LRRC8A: variants seen among roughly 807,000 people sequenced by gnomAD.
The protein encoded by LRRC8A is leucine rich repeat containing 8 VRAC subunit A.
A neutral mutation model predicts 52.5 loss-of-function variants in LRRC8A; 24 were observed. That is an observed-to-expected ratio of 0.46 (90% CI 0.33 to 0.64). The LOEUF (loss-of-function observed/expected upper bound fraction) is 0.64, where lower values mean the gene tolerates loss of function less well. LRRC8A is among the 30% of genes least tolerant of loss of function. The pLI is 0.02. For synonymous variants in LRRC8A, 492 were observed against 494.2 expected (o/e 1.00, Z 0.06); for missense variants, 677 against 1,094.7 (o/e 0.62, Z 5.38).
At chr9:128,894,336 T>G (rs1839739432) in intron 2 of LRRC8A, among the ~76,000 whole-genome samples, 1 of 151,870 alleles carries the variant, frequency 6.6e-6, no homozygotes, top group East Asian at 2.0e-4. Context: ...ACAAAAAAAT[T>G]TGCCGGGCAT....
chr9:128,898,313 T>G (rs1839902171), intron 2 of LRRC8A, among the ~76,000 whole-genome samples: 2 of 152,128 alleles, frequency 1.3e-5, no homozygotes. Flanking sequence ...CTCCACCACC[T>G]GGGTTCAAGC....
Position 128,916,427 on chromosome 9 carries a change from G to A in LRRC8A, c.*56G>A. 1 of 1,550,456 alleles carries A rather than the reference G, an allele frequency of 6.4e-7. No homozygotes were observed. The highest frequency in any genetic ancestry group is 8.7e-7 in the Non-Finnish European group (1 of 1,147,568). ...GACCGCTGCCCAGTCCTCAGGCCCG[G>A]AGGGGCAGGCCTAGCTTCTCCCAGA... On this transcript the variant is annotated 3_prime_UTR_variant, in exon 4 of 4. Coordinates refer to ENST00000372600, the MANE Select transcript of LRRC8A (RefSeq NM_019594.4). The surrounding 1 kb of genome is among the most constrained non-coding windows in gnomAD (Gnocchi z 6.1).
At position 128,892,550 on chromosome 9, in the gene LRRC8A, G is replaced by A. The variant is rs1248100638; in HGVS notation, c.-9+6429G>A. 1.3e-5 allele frequency among the ~76,000 whole-genome samples: 2 copies of A among 152,062 alleles called. No individual in the cohort carries two copies. The highest frequency in any genetic ancestry group is 2.9e-5 in the Non-Finnish European group (2 of 67,996). ...GAGGGTGTACCCTTCTACACAGGGC[G>A]AGTCCCAAGCCAGGCAACACCCCCA... On this transcript the variant is annotated intron_variant, in intron 2 of 3. Coordinates refer to ENST00000372600, the MANE Select transcript of LRRC8A (RefSeq NM_019594.4). This position sits in a 1 kb window ranked among gnomAD's most constrained non-coding sequence, Gnocchi z 5.2.
At chr9:128,883,797 A>G (rs1342327002) in intron 1 of LRRC8A, among the ~76,000 whole-genome samples, 1 of 152,214 alleles carries the variant, frequency 6.6e-6, no homozygotes, top group East Asian at 1.9e-4. Flanking sequence ...ACATAGTGAA[A>G]CCTTGTCTCT....
intron 2 of LRRC8A, among the ~76,000 whole-genome samples, chr9:128,904,044 A>C (rs199685024): frequency 6.6e-6 from 1 of 150,842 alleles, no homozygotes; most frequent in East Asian, 2.0e-4. Context: ...AAAAAAAAAA[A>C]GTTTGTTACT....
chr9:128,898,653 A>G (rs1033651041), intron 2 of LRRC8A, among the ~76,000 whole-genome samples: 1 of 152,212 alleles, frequency 6.6e-6, no homozygotes, highest in African/African-American at 2.4e-5. Context: ...GCCTTTTAGC[A>G]GCCCTCTAAG....
Position 128,892,608 on chromosome 9 carries a change from T to C in LRRC8A, c.-9+6487T>C, listed in dbSNP as rs1016825377. Among the ~76,000 whole-genome samples, 1 of 152,036 alleles carries C rather than the reference T, an allele frequency of 6.6e-6. No homozygotes were observed. Among genetic ancestry groups the C allele is most frequent in the African/African-American group, 2.4e-5 (1 of 41,400 alleles). On this transcript the variant is annotated intron_variant, in intron 2 of 3. Transcript: ENST00000372600. This position sits in a 1 kb window ranked among gnomAD's most constrained non-coding sequence, Gnocchi z 5.2. ...GCCTCTGACTCACCCCAGCTGGGTGTGGGGGCCTCCAGGGCAGTGTCCGCC... is the reference window on the plus strand; with the variant it reads ...GCCTCTGACTCACCCCAGCTGGGTGCGGGGGCCTCCAGGGCAGTGTCCGCC...
At chr9:128,887,487 A>G (rs1002819380) in intron 2 of LRRC8A, among the ~76,000 whole-genome samples, 4 of 152,010 alleles carry the variant, frequency 2.6e-5, no homozygotes, top group Non-Finnish European at 5.9e-5. Context: ...AATGTCATCT[A>G]GGAAATGAGT....
At chr9:128,895,722 TGAG>T in intron 2 of LRRC8A, among the ~76,000 whole-genome samples, 1 of 152,274 alleles carries the variant, frequency 6.6e-6, no homozygotes, top group East Asian at 1.9e-4. Context: ...CCTCAGGGGC[TGAG>T]GAGCAGCAGC....
At position 128,908,349 on chromosome 9, in the gene LRRC8A, G is replaced by T; in HGVS notation, c.1185G>T (p.Ser395=). 3 of 1,614,068 alleles carry T rather than the reference G, an allele frequency of 1.9e-6. No individual in the cohort carries two copies. The highest frequency in any genetic ancestry group is 2.5e-6 in the Non-Finnish European group (3 of 1,180,034). ...CCAAGCGCTTCGCCGTCTTCCTGTC[G>T]GAGGTGAGTGAGAACAAGCTGCGGC... ...LYSKRFAVFL[S]EVSENKLRQL... is the part of the protein sequence containing the mutation. Residue 395 remains serine, a synonymous_variant, in exon 3 of 4, where the codon TCG becomes TCT. Transcript: ENST00000372600.
rs745522215 is a variant in LRRC8A, at chr9:128,909,118, G to A, written c.1954G>A (p.Ala652Thr). 6 of 1,614,048 alleles carry A rather than the reference G, an allele frequency of 3.7e-6. No individual in the cohort carries two copies. In the African/African-American group the frequency reaches 5.3e-5, roughly 14 times the overall value. Residue 652 changes from alanine to threonine, a missense_variant, in exon 3 of 4, where the codon GCC becomes ACC. Ala to Thr is a moderately conservative substitution (Grantham distance 58). Transcript: ENST00000372600. ...TCLKLWYNHI[A>T]YIPIQIGNLT... is the part of the protein sequence containing the mutation. ...CCTTAAGCTGTGGTACAACCACATC[G>A]CCTACATCCCCATCCAGATCGGCAA...
chr9:128,894,442 C>G (rs1007859676), intron 2 of LRRC8A, among the ~76,000 whole-genome samples: 2 of 150,706 alleles, frequency 1.3e-5, no homozygotes, highest in Non-Finnish European at 2.9e-5. Flanking sequence ...AGAGATCATG[C>G]CACTGCACTC....
In LRRC8A at chr9:128,916,188, G is replaced by A. The variant is rs200873510; in HGVS notation, c.2250G>A (p.Val750=). Residue 750 remains valine, a synonymous_variant, in exon 4 of 4, where the codon GTG becomes GTA. Transcript: ENST00000372600. The surrounding 1 kb of genome is among the most constrained non-coding windows in gnomAD (Gnocchi z 6.1). ...NNVLQSLPSR[V]GELTNLTQIE... ...TGCTGCAGTCACTGCCCTCCAGGGT[G>A]GGCGAGCTGACCAACCTGACGCAGA... is the stretch of plus-strand genomic sequence containing the variant. 151 of 1,613,370 alleles carry A rather than the reference G, an allele frequency of 9.4e-5. 4 individuals carry two copies. In the Admixed American group the frequency reaches 1.9e-3, roughly 21 times the overall value.
chr9:128,909,196 C>G lies in LRRC8A; in HGVS notation c.2032C>G (p.Pro678Ala). ...YLNRNKIEKI[P>A]TQLFYCRKLR... Reference sequence around the variant, plus strand: ...GAACCGCAACAAGATCGAGAAGATCCCCACCCAGCTCTTCTACTGCCGCAA... The same window carrying G: ...GAACCGCAACAAGATCGAGAAGATCGCCACCCAGCTCTTCTACTGCCGCAA... Residue 678 changes from proline (P) to alanine (A), a missense_variant, in exon 3 of 4, where the codon CCC (proline) becomes GCC (alanine). Around this residue, in one of 4 missense-constraint regions of LRRC8A, gnomAD observed 169 missense variants for 217.6 expected, o/e 0.78. Transcript: ENST00000372600. The G allele has an allele frequency of 6.2e-7, 1 of 1,614,194 alleles. No homozygotes were observed. The highest frequency in any genetic ancestry group is 8.5e-7 in the Non-Finnish European group (1 of 1,180,042).
In LRRC8A at chr9:128,899,432, T is replaced by C. The variant is rs981996403; in HGVS notation, c.-8-7725T>C. On this transcript the variant is annotated intron_variant, in intron 2 of 3. Coordinates refer to ENST00000372600, the MANE Select transcript of LRRC8A (RefSeq NM_019594.4). This position sits in a 1 kb window ranked among gnomAD's most constrained non-coding sequence, Gnocchi z 4.0. ...TCTGAATGGCCCACCCTGGAGGTGC[T>C]GCCTGTCTGGGCCCACTGTAAATCC... is the stretch of plus-strand genomic sequence containing the variant. 2.6e-5 allele frequency among the ~76,000 whole-genome samples: 4 copies of C among 152,094 alleles called. No homozygotes were observed. The highest frequency in any genetic ancestry group is 9.7e-5 in the African/African-American group (4 of 41,422).
Position 128,892,399 on chromosome 9 carries a change from C to T in LRRC8A, c.-9+6278C>T, listed in dbSNP as rs1296899881. ...TTTCACCCTAGAAGGCGGGCCACGC[C>T]CTTGCAAGTTGGTGTGAGGATGAAC... On this transcript the variant is annotated intron_variant, in intron 2 of 3. Coordinates refer to ENST00000372600, the MANE Select transcript of LRRC8A (RefSeq NM_019594.4). The surrounding 1 kb of genome is among the most constrained non-coding windows in gnomAD (Gnocchi z 5.2). Among the ~76,000 whole-genome samples, 1 of 152,164 alleles carries T rather than the reference C, an allele frequency of 6.6e-6. No homozygotes were observed. Among genetic ancestry groups the T allele is most frequent in the Non-Finnish European group, 1.5e-5 (1 of 68,032 alleles).
intron 2 of LRRC8A, among the ~76,000 whole-genome samples, chr9:128,906,074 A>G (rs1451296441): frequency 6.6e-6 from 1 of 152,150 alleles, no homozygotes; most frequent in Non-Finnish European, 1.5e-5. Flanking sequence ...AAGACCCACT[A>G]TGTGACCTTT....
Position 128,916,541 on chromosome 9 carries a change from G to T in LRRC8A, c.*170G>T. On this transcript the variant is annotated 3_prime_UTR_variant, in exon 4 of 4. Coordinates refer to ENST00000372600, the MANE Select transcript of LRRC8A (RefSeq NM_019594.4). The surrounding 1 kb of genome is among the most constrained non-coding windows in gnomAD (Gnocchi z 6.1). Reference sequence around the variant, plus strand: ...CCAGAGCGAGAGGACAGTATCTGTGGGGCTGGCCCCTTTTCTCCCTCTGAG... The same window carrying T: ...CCAGAGCGAGAGGACAGTATCTGTGTGGCTGGCCCCTTTTCTCCCTCTGAG... 1.2e-6 allele frequency: 1 copy of T among 839,370 alleles called. No homozygotes were observed. The allele number at this position is 839,370 out of a possible 1,614,324, so 52.0% of individuals were successfully genotyped here.
At chr9:128,889,687 G>T (rs9409309) in intron 2 of LRRC8A, among the ~76,000 whole-genome samples, 2 of 151,442 alleles carry the variant, frequency 1.3e-5, no homozygotes, top group African/African-American at 2.4e-5. Context: ...TAGAGACGGG[G>T]TGTCACCATA....
Sources: gnomAD v4.1 joint callset for allele counts (sites outside exome capture counted in the v4.1 genomes callset) on GRCh38, gnomAD v4.1.1 for gene constraint, gnomAD v4.1.1 regional missense constraint, Gnocchi (gnomAD v3.1) non-coding constraint, MANE v1.5 for transcripts, NCBI Gene and HGNC (gene_info 2026-07-23, HGNC 2026-07-21) for gene names.